The following SPATA13 variants were observed in gnomAD, a reference collection of about 807,000 sequenced individuals.
The protein encoded by SPATA13 is spermatogenesis-associated protein 13.
A neutral mutation model predicts 104.0 loss-of-function variants in SPATA13; 50 were observed. The observed-to-expected ratio is 0.48, with a 90% CI of 0.38 to 0.61. The LOEUF (loss-of-function observed/expected upper bound fraction) is 0.61, where lower values mean the gene tolerates loss of function less well. Among genes scored for constraint, SPATA13 ranks in the 20% least tolerant of loss-of-function variants. SPATA13 has a pLI of 0.00. For missense variants in SPATA13, 1,524 were observed against 1,690.6 expected (o/e 0.90, Z 1.73); for synonymous variants, 606 against 667.5 (o/e 0.91, Z 1.42).
At chr13:24,060,056 T>G (rs529878531) in intron 3 of SPATA13, among the ~76,000 whole-genome samples, 1 of 152,330 alleles carries the variant, frequency 6.6e-6, no homozygotes, top group Admixed American at 6.5e-5. Flanking sequence ...AATGACATTC[T>G]TCACTGAACT....
At position 24,161,157 on chromosome 13, in the gene SPATA13, C is replaced by G. The variant is rs1367408653; in HGVS notation, c.-112+225C>G. Reference sequence around the variant, plus strand: ...CGGCGGTGGCTCTGCGCCCTCTGGGCCACCCGGCACCATCGCTTTTGGGAG... The same window carrying G: ...CGGCGGTGGCTCTGCGCCCTCTGGGGCACCCGGCACCATCGCTTTTGGGAG... On this transcript the variant is annotated intron_variant, in intron 1 of 12. Transcript: ENST00000382108. The surrounding 1 kb of genome is among the most constrained non-coding windows in gnomAD (Gnocchi z 4.5). 1.3e-5 allele frequency among the ~76,000 whole-genome samples: 2 copies of G among 152,176 alleles called. No individual in the cohort carries two copies. The highest frequency in any genetic ancestry group is 4.8e-5 in the African/African-American group (2 of 41,452).
At chr13:24,197,090 A>G (rs935349043) in intron 1 of SPATA13, among the ~76,000 whole-genome samples, 1 of 152,220 alleles carries the variant, frequency 6.6e-6, no homozygotes, top group African/African-American at 2.4e-5. Context: ...TGAGATGGGT[A>G]TGATCTTACT....
intron 4 of SPATA13, among the ~76,000 whole-genome samples, chr13:24,277,100 T>C (rs1342566812): frequency 1.3e-5 from 2 of 152,194 alleles, no homozygotes; most frequent in African/African-American, 2.4e-5. Flanking sequence ...TATGAAGCAA[T>C]AGACAACTCG....
At chr13:24,119,106 A>C (rs2137822271) in intron 3 of SPATA13, among the ~76,000 whole-genome samples, 1 of 151,954 alleles carries the variant, frequency 6.6e-6, no homozygotes, top group African/African-American at 2.4e-5. Context: ...ACAAGGTTTT[A>C]CCATGTTAGC....
intron 2 of SPATA13, among the ~76,000 whole-genome samples, chr13:24,226,746 G>A (rs1282415647): frequency 6.6e-6 from 1 of 152,218 alleles, no homozygotes; most frequent in Non-Finnish European, 1.5e-5. Context: ...TGCACAGCAA[G>A]TTTGCAGACT....
intron 3 of SPATA13, among the ~76,000 whole-genome samples, chr13:24,042,722 G>C (rs1470325506): frequency 3.3e-5 from 5 of 152,186 alleles, no homozygotes; most frequent in Admixed American, 6.5e-5. Context: ...GCTTGATAAA[G>C]ACAGAAATCC....
intron 1 of SPATA13, among the ~76,000 whole-genome samples, chr13:24,204,142 A>G (rs1870570040): frequency 6.6e-6 from 1 of 152,152 alleles, no homozygotes; most frequent in Non-Finnish European, 1.5e-5. Context: ...TTCTTATTGC[A>G]TGTACTCACA....
rs1240005877 is a variant in SPATA13 at position 24,223,458 on chromosome 13, G to C, written c.529G>C (p.Glu177Gln). 1 of 1,550,406 alleles carries C rather than the reference G, an allele frequency of 6.4e-7. No homozygotes were observed. Among genetic ancestry groups the C allele is most frequent in the South Asian group, 1.2e-5 (1 of 84,062 alleles). Residue 177 changes from glutamate to glutamine, a missense_variant, in exon 2 of 13, where the codon GAG (glutamate) becomes CAG (glutamine). Transcript: ENST00000382108. ...GPACGALRPA[E>Q]WGTLDGSDLE... is the part of the protein sequence containing the mutation. ...AGCATGTGGTGCCCTCAGGCCAGCA[G>C]AGTGGGGCACATTGGATGGCTCCGA...
chr13:24,213,045 C>A (rs1320138033), intron 1 of SPATA13, among the ~76,000 whole-genome samples: 1 of 152,238 alleles, frequency 6.6e-6, no homozygotes, highest in Non-Finnish European at 1.5e-5. Context: ...CTGTGTGCTG[C>A]CCTGCTTGGG....
intron 1 of SPATA13, among the ~76,000 whole-genome samples, chr13:24,194,931 G>A (rs1269168831): frequency 6.6e-6 from 1 of 152,202 alleles, no homozygotes; most frequent in East Asian, 1.9e-4. Context: ...GGAAGTGGAC[G>A]ATACAACTTT....
intron 4 of SPATA13, among the ~76,000 whole-genome samples, chr13:24,280,491 CTTTT>C (rs57348867): frequency 6.9e-6 from 1 of 144,990 alleles, no homozygotes; most frequent in South Asian, 2.2e-4. Context: ...CTGAGATGCA[CTTTT>C]TTTTTTTTTT....
chr13:24,198,182 A>T (rs139517383), intron 1 of SPATA13, among the ~76,000 whole-genome samples: 305 of 152,186 alleles, frequency 2.0e-3, no homozygotes, highest in Non-Finnish European at 3.2e-3. Flanking sequence ...TTTAGTAGAG[A>T]CGGGGTTTCA....
intron 3 of SPATA13, among the ~76,000 whole-genome samples, chr13:24,149,102 A>G (rs1036278115): frequency 9.2e-5 from 14 of 152,328 alleles, no homozygotes; most frequent in African/African-American, 3.4e-4. Context: ...GGGCAGGAAG[A>G]AGCCATGGGG....
chr13:24,040,905 C>T (rs1290091153), intron 3 of SPATA13, among the ~76,000 whole-genome samples: 1 of 152,184 alleles, frequency 6.6e-6, no homozygotes, highest in Non-Finnish European at 1.5e-5. Flanking sequence ...ACCACGAACT[C>T]AAATACTGCA....
At chr13:24,280,013 C>G (rs1221136091) in intron 4 of SPATA13, among the ~76,000 whole-genome samples, 3 of 152,094 alleles carry the variant, frequency 2.0e-5, no homozygotes, top group Non-Finnish European at 4.4e-5. Flanking sequence ...TGTCTTTTTT[C>G]TTTACTTTTT....
intron 2 of SPATA13, among the ~76,000 whole-genome samples, chr13:23,992,856 G>C (rs1417482823): frequency 6.6e-6 from 1 of 152,206 alleles, no homozygotes; most frequent in Non-Finnish European, 1.5e-5. Flanking sequence ...ACTGCTGGCA[G>C]CTGCTGCCAT....
rs55884031 is a variant in SPATA13, at chr13:24,170,854, G to C, written c.-112+9922G>C. Among the ~76,000 whole-genome samples, 1,358 of 151,942 alleles carry C rather than the reference G, an allele frequency of 8.9e-3. 6 individuals are homozygous for C. The highest frequency in any genetic ancestry group is 0.014 in the Non-Finnish European group (929 of 67,940). On this transcript the variant is annotated intron_variant, in intron 1 of 12. Transcript: ENST00000382108. Reference sequence around the variant, plus strand: ...ACAATTTACAAACAACAGCAACTCCGAAAAGTATAGGTTTATATGATTCGT... The same window carrying C: ...ACAATTTACAAACAACAGCAACTCCCAAAAGTATAGGTTTATATGATTCGT...
chr13:24,171,421 G>A (rs1421538838), intron 1 of SPATA13, among the ~76,000 whole-genome samples: 4 of 152,220 alleles, frequency 2.6e-5, no homozygotes, highest in Non-Finnish European at 5.9e-5. Context: ...CATCACACGT[G>A]TCTCACGTAT....
intron 8 of SPATA13, among the ~76,000 whole-genome samples, chr13:24,290,008 A>G (rs964009388): frequency 6.6e-6 from 1 of 152,176 alleles, no homozygotes; most frequent in Admixed American, 6.5e-5. Flanking sequence ...TGACGTGGGC[A>G]TATCTGGGAC....
Sources: allele counts gnomAD v4.1 joint callset (sites outside exome capture counted in the v4.1 genomes callset), GRCh38; gene constraint gnomAD v4.1.1; non-coding constraint Gnocchi (gnomAD v3.1); transcripts MANE v1.5; gene names NCBI Gene and HGNC (gene_info 2026-07-23, HGNC 2026-07-21).